ASIC2: variants seen among roughly 807,000 people sequenced by gnomAD.
ASIC2 encodes the protein acid-sensing ion channel 2.
A neutral mutation model predicts 57.3 loss-of-function variants in ASIC2; 25 were observed. The observed-to-expected ratio is 0.44, with a 90% CI of 0.32 to 0.61. ASIC2 has a LOEUF of 0.61. Ranked by LOEUF, ASIC2 falls within the 20% of genes least tolerant of loss-of-function variation. The pLI is 0.06. For missense variants in ASIC2, 641 were observed against 738.1 expected, an observed-to-expected ratio of 0.87 and a Z score of 1.52; for synonymous variants, 319 against 307.5, an observed-to-expected ratio of 1.04 and a Z score of -0.39.
At chr17:33,134,694 G>C (rs2092360846) in intron 1 of ASIC2, among the ~76,000 whole-genome samples, 2 of 152,220 alleles carry the variant, frequency 1.3e-5, no homozygotes, top group Admixed American at 1.3e-4. Flanking sequence ...CCTGAGTAGA[G>C]AGCCCTCAAC....
At chr17:33,754,851 A>C (rs1302152300) in intron 1 of ASIC2, among the ~76,000 whole-genome samples, 1 of 149,994 alleles carries the variant, frequency 6.7e-6, no homozygotes, top group Admixed American at 6.7e-5. Context: ...CCAGCTACTC[A>C]GGAGGCTGAG....
intron 3 of ASIC2, among the ~76,000 whole-genome samples, chr17:33,078,322 G>A (rs1312872581): frequency 6.6e-6 from 1 of 152,228 alleles, no homozygotes; most frequent in Non-Finnish European, 1.5e-5. Flanking sequence ...GACCCAGGCT[G>A]GGGCTGCCAT....
chr17:33,363,727 G>A (rs866016779), intron 1 of ASIC2, among the ~76,000 whole-genome samples: 5 of 152,176 alleles, frequency 3.3e-5, no homozygotes, highest in Admixed American at 6.5e-5. Context: ...AAGTTGCCAC[G>A]GCAACAGGGG....
chr17:33,967,462 G>A (rs911089185), intron 1 of ASIC2, among the ~76,000 whole-genome samples: 21 of 151,994 alleles, frequency 1.4e-4, no homozygotes, highest in African/African-American at 3.9e-4. Flanking sequence ...CTTGAACTCC[G>A]AAACTCAAGC....
At chr17:33,018,907 A>G (rs2091821929) in intron 7 of ASIC2, among the ~76,000 whole-genome samples, 1 of 152,156 alleles carries the variant, frequency 6.6e-6, no homozygotes, top group Non-Finnish European at 1.5e-5. Context: ...ACTCTCTGGT[A>G]GGCAGATCTG....
At chr17:33,410,714 G>A (rs1270523579) in intron 1 of ASIC2, among the ~76,000 whole-genome samples, 2 of 152,130 alleles carry the variant, frequency 1.3e-5, no homozygotes, top group African/African-American at 2.4e-5. Flanking sequence ...TCCCTAAGTT[G>A]GGTGCCCTCA....
intron 5 of ASIC2, among the ~76,000 whole-genome samples, chr17:33,025,055 A>C (rs948452969): frequency 6.6e-6 from 1 of 152,010 alleles, no homozygotes; most frequent in Non-Finnish European, 1.5e-5. Flanking sequence ...CTTTGCACAC[A>C]TCAGAAGTCA....
At chr17:33,357,080 T>C (rs1019218989) in intron 1 of ASIC2, among the ~76,000 whole-genome samples, 5 of 428 alleles carry the variant, frequency 0.012, no homozygotes, top group Admixed American at 0.056. Flanking sequence ...TCCAGGGAGT[T>C]TACTTCAGAA....
intron 1 of ASIC2, among the ~76,000 whole-genome samples, chr17:33,319,961 CT>C (rs1906805985): frequency 6.6e-6 from 1 of 152,128 alleles, no homozygotes; most frequent in Admixed American, 6.6e-5. Flanking sequence ...GGGGAAAAAT[CT>C]TTGGGGAAGG....
intron 1 of ASIC2, among the ~76,000 whole-genome samples, chr17:33,556,465 T>C (rs1915911797): frequency 6.6e-6 from 1 of 152,224 alleles, no homozygotes; most frequent in Admixed American, 6.5e-5. Context: ...TCTATGACCT[T>C]GTAATGCCAA....
In ASIC2 at chr17:33,817,855, T is replaced by C. The variant is rs994046054; in HGVS notation, c.555+338123A>G. 4.6e-5 allele frequency among the ~76,000 whole-genome samples: 7 copies of C among 152,322 alleles called. No individual in the cohort carries two copies. In the South Asian group the frequency reaches 1.2e-3, roughly 27 times the overall value. On this transcript the variant is annotated intron_variant, in intron 1 of 9. Transcript: ENST00000359872. ...GAAGCCTGGGGCTAGAGTTCTCCAA[T>C]GCCTTGTTCATCCACATATCTGGCA...
chr17:33,817,454 G>A (rs1395232821), intron 1 of ASIC2, among the ~76,000 whole-genome samples: 3 of 152,134 alleles, frequency 2.0e-5, no homozygotes, highest in Non-Finnish European at 4.4e-5. Context: ...GACCTAACTG[G>A]TGCTGCCTTC....
intron 1 of ASIC2, among the ~76,000 whole-genome samples, chr17:33,174,186 C>G (rs1408119521): frequency 6.6e-6 from 1 of 152,112 alleles, no homozygotes; most frequent in Non-Finnish European, 1.5e-5. Flanking sequence ...CTTTGCGAGG[C>G]CAAGGCGAGT....
chr17:33,723,675 A>G (rs1909455266), intron 1 of ASIC2, among the ~76,000 whole-genome samples: 1 of 152,204 alleles, frequency 6.6e-6, no homozygotes, highest in Non-Finnish European at 1.5e-5. Context: ...GAATGAATCC[A>G]CAGAGATTAA....
chr17:34,046,244 G>A (rs1046439644), intron 1 of ASIC2, among the ~76,000 whole-genome samples: 1 of 152,178 alleles, frequency 6.6e-6, no homozygotes, highest in African/African-American at 2.4e-5. Context: ...CAAATAAATA[G>A]TTGTTATGTT....
At chr17:33,608,534 T>A (rs1180542037) in intron 1 of ASIC2, among the ~76,000 whole-genome samples, 1 of 151,696 alleles carries the variant, frequency 6.6e-6, no homozygotes, top group Non-Finnish European at 1.5e-5. Context: ...CTTATATGCA[T>A]GGTGGGGTGG....
At chr17:33,291,356 C>T (rs999269115) in intron 1 of ASIC2, 52 bp downstream of exon 1, 20 of 1,543,190 alleles carry the variant, frequency 1.3e-5, no homozygotes, top group Non-Finnish European at 1.6e-5. Flanking sequence ...GGCCTCCTGA[C>T]TGCCGGGGAG....
rs572078163 is a variant in ASIC2, at chr17:33,115,251, C to T, written c.709-3184G>A. ...TAGCTTAGAGCTTGGTCAAGGGTGG[C>T]GGTCACCAGAGTAGCAGGGGTGGGG... On this transcript the variant is annotated intron_variant, in intron 1 of 9. Transcript: ENST00000225823. 4.6e-5 allele frequency among the ~76,000 whole-genome samples: 7 copies of T among 152,222 alleles called. No homozygotes were observed. The South Asian group carries it at 6.2e-4, about 14-fold the overall frequency.
intron 1 of ASIC2, among the ~76,000 whole-genome samples, chr17:33,272,234 C>G (rs1904523284): frequency 6.6e-6 from 1 of 152,232 alleles, no homozygotes; most frequent in Non-Finnish European, 1.5e-5. Flanking sequence ...TCAGAGCACT[C>G]ATTATCATCT....
Sources: allele counts gnomAD v4.1 joint callset (sites outside exome capture counted in the v4.1 genomes callset), GRCh38; gene constraint gnomAD v4.1.1; transcripts MANE v1.5; gene names NCBI Gene and HGNC (gene_info 2026-07-23, HGNC 2026-07-21).